TRANK1: variants seen among roughly 807,000 people sequenced by gnomAD.
TRANK1 encodes the protein TPR and ankyrin repeat-containing protein 1.
A neutral mutation model predicts 266.0 loss-of-function variants in TRANK1; 198 were observed. The observed-to-expected ratio is 0.74, with a 90% CI of 0.66 to 0.84. The LOEUF is 0.84. Ranked by LOEUF, TRANK1 falls within the 40% of genes least tolerant of loss-of-function variation. The pLI is 0.00. For missense variants in TRANK1, 3,326 were observed against 3,634.6 expected (o/e 0.92, Z 2.18); for synonymous variants, 1,396 against 1,384.1 (o/e 1.01, Z -0.19).
At chr3:36,910,185 G>T (rs1297951418) in intron 1 of TRANK1, among the ~76,000 whole-genome samples, 1 of 152,172 alleles carries the variant, frequency 6.6e-6, no homozygotes, top group East Asian at 1.9e-4. Flanking sequence ...TGAAAAGTGG[G>T]TAAATAGGAT....
intron 1 of TRANK1, among the ~76,000 whole-genome samples, chr3:36,912,735 G>A (rs2080070093): frequency 6.6e-6 from 1 of 152,198 alleles, no homozygotes; most frequent in Non-Finnish European, 1.5e-5. Context: ...TTCTGTAACT[G>A]ACATACAGGA....
intron 1 of TRANK1, among the ~76,000 whole-genome samples, chr3:36,910,925 C>T (rs1433953975): frequency 1.3e-5 from 2 of 151,282 alleles, no homozygotes; most frequent in Non-Finnish European, 2.9e-5. Flanking sequence ...CAGAAATTAG[C>T]CAGGCATAGT....
chr3:36,942,824 A>G (rs2080514815), intron 1 of TRANK1, among the ~76,000 whole-genome samples: 1 of 151,920 alleles, frequency 6.6e-6, no homozygotes, highest in Non-Finnish European at 1.5e-5. Flanking sequence ...GTTGCCCCAT[A>G]AAGCTGGTCA....
rs551753750 is a variant in TRANK1 at position 36,842,834 on chromosome 3, G to A, written c.5192-124C>T. ...TTCACTTGTTAAAGTCCTAACTCCC[G>A]GTACCTCAGAATGTGGCTGCATTTG... On this transcript the variant is annotated intron_variant, in intron 17 of 23. Coordinates refer to ENST00000645898, the MANE Select transcript of TRANK1 (RefSeq NM_001329998.2). 130 of 820,268 alleles carry A rather than the reference G, an allele frequency of 1.6e-4. 4 individuals carry two copies. The South Asian group carries it at 1.8e-3, about 11-fold the overall frequency. The allele number at this position is 820,268 out of a possible 1,614,324, so 50.8% of individuals were successfully genotyped here.
At chr3:36,924,634 G>A (rs368392424) in intron 1 of TRANK1, among the ~76,000 whole-genome samples, 53 of 152,242 alleles carry the variant, frequency 3.5e-4, no homozygotes, top group African/African-American at 9.9e-4. Flanking sequence ...AAAGAAAGAC[G>A]CAGAGACAAA....
Position 36,856,916 on chromosome 3 carries a change from T to C in TRANK1, c.2806A>G (p.Thr936Ala). Residue 936 changes from threonine to alanine, a missense_variant, in exon 13 of 24, where the codon ACG becomes GCG. Coordinates refer to ENST00000645898, the MANE Select transcript of TRANK1 (RefSeq NM_001329998.2). ...ATGTCCCAAATCCGGATGATTTCCG[T>C]GTAGATCCGCCCTGATTTCTCCATT... is the stretch of plus-strand genomic sequence containing the variant. ...CAMEKSGRIY[T>A]EIIRIWDIVL... The C allele has an allele frequency of 6.2e-7, 1 of 1,613,926 alleles. No individual in the cohort carries two copies.
intron 1 of TRANK1, among the ~76,000 whole-genome samples, chr3:36,918,560 AAGGT>A (rs1275016900): frequency 0.044 from 1,883 of 42,472 alleles, 110 homozygotes; most frequent in East Asian, 0.059. Flanking sequence ...GGAAGGAAGG[AAGGT>A]AGGAAGGAAG....
At chr3:36,919,737 T>C (rs745758653) in intron 1 of TRANK1, among the ~76,000 whole-genome samples, 21 of 152,268 alleles carry the variant, frequency 1.4e-4, no homozygotes, top group Non-Finnish European at 2.4e-4. Flanking sequence ...AGCAGTGTTT[T>C]GTGTATATAA....
rs2079034288 is a variant in TRANK1, at chr3:36,855,186, G to A, written c.4536C>T (p.Tyr1512=). The A allele has an allele frequency of 6.2e-6, 10 of 1,611,310 alleles. No homozygotes were observed. Among genetic ancestry groups the A allele is most frequent in the Non-Finnish European group, 8.5e-6 (10 of 1,177,854 alleles). The part of the protein sequence containing the change: ...PKKIHQLYQN[Y]RSHSGILNLA... Reference sequence around the variant, plus strand: ...AGCTGGACTTACCTGAGTGGGACCTGTAATTCTGGTACAGCTGGTGGATCT... The same window carrying A: ...AGCTGGACTTACCTGAGTGGGACCTATAATTCTGGTACAGCTGGTGGATCT... Residue 1512 remains tyrosine, a synonymous_variant, in exon 13 of 24, where the codon TAC becomes TAT. Transcript: ENST00000645898.
chr3:36,922,600 A>G (rs1350097470), intron 1 of TRANK1, among the ~76,000 whole-genome samples: 1 of 151,730 alleles, frequency 6.6e-6, no homozygotes, highest in African/African-American at 2.4e-5. Flanking sequence ...GTGAAACTCC[A>G]TCTCAAAAAA....
At chr3:36,907,459 A>ATTT (rs1212991729) in intron 2 of TRANK1, among the ~76,000 whole-genome samples, 58 of 104,324 alleles carry the variant, frequency 5.6e-4, no homozygotes, top group Non-Finnish European at 5.8e-4. Flanking sequence ...AAATTTATTG[A>ATTT]TTTTTTTTTT....
At chr3:36,887,058 T>C (rs1301533739) in intron 8 of TRANK1, among the ~76,000 whole-genome samples, 4 of 152,076 alleles carry the variant, frequency 2.6e-5, no homozygotes, top group Non-Finnish European at 5.9e-5. Flanking sequence ...AGGCGCATGC[T>C]ACTATGCCAC....
intron 1 of TRANK1, among the ~76,000 whole-genome samples, chr3:36,931,480 G>A (rs1289791210): frequency 6.6e-6 from 1 of 152,120 alleles, no homozygotes; most frequent in Non-Finnish European, 1.5e-5. Context: ...CAAGGCAGGT[G>A]GATCACTTGA....
intron 8 of TRANK1, chr3:36,880,417 T>C (rs2079513662): frequency 6.7e-6 from 2 of 300,326 alleles, no homozygotes; most frequent in Non-Finnish European, 1.4e-5. Flanking sequence ...TCCTTTGATT[T>C]GCTCTCATCA....
chr3:36,892,859 A>ATATATC, intron 6 of TRANK1, 42 bp downstream of exon 6: 1 of 720,204 alleles, frequency 1.4e-6, no homozygotes, highest in African/African-American at 2.0e-5. Context: ...AAACATATAT[A>ATATATC]TATATATATA....
chr3:36,864,677 A>G (rs771843637), intron 9 of TRANK1, among the ~76,000 whole-genome samples, 197 bp from the exon 10 acceptor site: 1 of 152,160 alleles, frequency 6.6e-6, no homozygotes, highest in Non-Finnish European at 1.5e-5. Flanking sequence ...ACTTGCTATG[A>G]CAAATAGAAT....
chr3:36,940,721 C>A (rs763494440), intron 1 of TRANK1, among the ~76,000 whole-genome samples: 2 of 152,264 alleles, frequency 1.3e-5, no homozygotes, highest in Middle Eastern at 3.4e-3. Context: ...ACATTAACTC[C>A]GTTCTATCAC....
chr3:36,850,903 G>A lies in TRANK1; in HGVS notation c.4887+816C>T, dbSNP rs539044161. On this transcript the variant is annotated intron_variant, in intron 15 of 23. Coordinates refer to ENST00000645898, the MANE Select transcript of TRANK1 (RefSeq NM_001329998.2). ...CTTCAAGCATGCATCATGTGCAAAG[G>A]AAGTCTGCAACAAGGACTGGGACAC... 1.3e-5 allele frequency: 13 copies of A among 985,456 alleles called. No homozygotes were observed. In the African/African-American group the frequency reaches 2.3e-4, roughly 17 times the overall value. The allele number at this position is 985,456 out of a possible 1,614,324, so 61.0% of individuals were successfully genotyped here.
In TRANK1 at chr3:36,842,617, C is replaced by G. The variant is rs756707723; in HGVS notation, c.5280+5G>C. ...ACAAGGACCCCTCCTAGTCCAACCC[C>G]TTACCTTCCAGCACTGGTGCTTGGC... On this transcript the variant is annotated splice_donor_5th_base_variant and intron_variant, in intron 18 of 23. Coordinates refer to ENST00000645898, the MANE Select transcript of TRANK1 (RefSeq NM_001329998.2). The G allele has an allele frequency of 6.2e-7, 1 of 1,613,692 alleles. No homozygotes were observed. The highest frequency in any genetic ancestry group is 1.1e-5 in the South Asian group (1 of 90,950).
Sources: gnomAD v4.1 joint callset for allele counts (sites outside exome capture counted in the v4.1 genomes callset) on GRCh38, gnomAD v4.1.1 for gene constraint, MANE v1.5 for transcripts, NCBI Gene and HGNC (gene_info 2026-07-23, HGNC 2026-07-21) for gene names.